VASH2: variants seen among roughly 807,000 people sequenced by gnomAD.
The protein encoded by VASH2 is vasohibin 2, also known as tubulinyl-Tyr carboxypeptidase 2.
VASH2 carries 28 observed loss-of-function variants against 37.2 expected under a neutral mutation model. That is an observed-to-expected ratio of 0.75 (90% CI 0.56 to 1.03). The LOEUF is 1.03. Ranked by LOEUF, VASH2 falls within the 50% of genes least tolerant of loss-of-function variation. The probability of loss-of-function intolerance (pLI) is 0.00; values close to 1 mark genes in which losing one functional copy is unlikely to be tolerated. For synonymous variants in VASH2, 188 were observed against 174.7 expected (o/e 1.08, Z -0.60); for missense variants, 419 against 459.1 (o/e 0.91, Z 0.80).
rs138725158 is a variant in VASH2, at chr1:212,961,215, A to C, written c.326A>C (p.Asp109Ala). The C allele has an allele frequency of 9.3e-6, 15 of 1,614,054 alleles. No individual in the cohort carries two copies. Among genetic ancestry groups the C allele is most frequent in the Admixed American group, 1.7e-5 (1 of 60,006 alleles). The change falls in exon 3 of 8, where the codon GAC becomes GCC. Residue 109 changes from aspartate to alanine, a missense_variant. By Grantham distance (126) the Asp-to-Ala change is moderately radical. This residue lies in a region of VASH2 where 158 missense variants were observed against 163.0 expected (regional missense o/e 0.97). Coordinates refer to ENST00000517399, the MANE Select transcript of VASH2 (RefSeq NM_001301056.2). ...TACAGGCTGTCGATGACGATCCCAG[A>C]CTGGCTCCAGGCGATCCAGAATTAC... ...PNYRLSMTIP[D>A]WLQAIQNYMK...
Position 212,988,851 on chromosome 1 carries a change from T to C in VASH2, c.*267T>C. 2.4e-6 allele frequency: 1 copy of C among 411,010 alleles called. No homozygotes were observed. Among genetic ancestry groups the C allele is most frequent in the East Asian group, 4.3e-5 (1 of 23,348 alleles). The allele number at this position is 411,010 out of a possible 1,614,324, so 25.5% of individuals were successfully genotyped here. A position where few individuals can be genotyped will look rare whatever the true frequency, so the allele number is the denominator to read the frequency against. On this transcript the variant is annotated 3_prime_UTR_variant, in exon 8 of 8. Coordinates refer to ENST00000517399, the MANE Select transcript of VASH2 (RefSeq NM_001301056.2). ...CTTAAGGATAACCGTAACTGAAGTT[T>C]TATATTTTTCCATTTACCTACTTTC...
intron 7 of VASH2, among the ~76,000 whole-genome samples, chr1:212,976,974 C>A (rs1667194158): frequency 6.6e-6 from 1 of 151,572 alleles, no homozygotes; most frequent in Non-Finnish European, 1.5e-5. Context: ...CAGGGCTCAG[C>A]AGTGAAAACA....
chr1:212,961,751 C>T lies in VASH2; in HGVS notation c.365+497C>T, dbSNP rs1402778771. On this transcript the variant is annotated intron_variant, in intron 3 of 7. Transcript: ENST00000517399. ...CTGAGTAGCTGGGATTACAGGCATC[C>T]GCCACCACACCTGACTAATTTTTGT... 5.3e-5 allele frequency among the ~76,000 whole-genome samples: 8 copies of T among 152,138 alleles called. No homozygotes were observed. In the East Asian group the frequency reaches 5.8e-4, roughly 11 times the overall value.
chr1:212,979,801 C>T (rs1239730765), intron 7 of VASH2, among the ~76,000 whole-genome samples: 2 of 152,144 alleles, frequency 1.3e-5, no homozygotes, highest in Non-Finnish European at 2.9e-5. Flanking sequence ...TGTAAAGCAC[C>T]TACTACACTG....
chr1:212,982,488 T>C (rs1393089544), intron 7 of VASH2, among the ~76,000 whole-genome samples: 1 of 152,130 alleles, frequency 6.6e-6, no homozygotes, highest in Non-Finnish European at 1.5e-5. Context: ...AGTGCTCGTG[T>C]TTCTTAAAAA....
intron 7 of VASH2, among the ~76,000 whole-genome samples, chr1:212,983,219 T>C (rs528614041): frequency 6.6e-6 from 1 of 152,342 alleles, no homozygotes; most frequent in Admixed American, 6.5e-5. Flanking sequence ...ATTGGCAGGA[T>C]TCTGGAACAG....
chr1:212,958,798 T>A (rs1255135162), intron 2 of VASH2, among the ~76,000 whole-genome samples: 1 of 152,178 alleles, frequency 6.6e-6, no homozygotes, highest in African/African-American at 2.4e-5. Flanking sequence ...ACTGCAGCCT[T>A]GACCCCCTGG....
intron 7 of VASH2, among the ~76,000 whole-genome samples, chr1:212,980,722 G>A (rs1353037968): frequency 6.6e-6 from 1 of 152,184 alleles, no homozygotes; most frequent in Non-Finnish European, 1.5e-5. Context: ...ACATTGACTG[G>A]TGCCCAAGAA....
chr1:212,955,613 C>T (rs1666466565), intron 2 of VASH2, among the ~76,000 whole-genome samples: 1 of 152,190 alleles, frequency 6.6e-6, no homozygotes, highest in Non-Finnish European at 1.5e-5. Flanking sequence ...CTGGACTCTC[C>T]TTGGGGCAGA....
At chr1:212,961,123 G>C (rs1219910136) in intron 2 of VASH2, 43 bp from the exon 3 acceptor site, 1 of 1,600,020 alleles carries the variant, frequency 6.2e-7, no homozygotes, top group Non-Finnish European at 8.6e-7. Context: ...GGGCCCCAGA[G>C]CGCCTCCTTC....
chr1:212,975,069 C>A (rs1013956094), intron 7 of VASH2: 1 of 152,202 alleles, frequency 6.6e-6, no homozygotes, highest in Non-Finnish European at 1.5e-5. Flanking sequence ...GAACATTTTA[C>A]GAGTTTTGTT....
intron 2 of VASH2, among the ~76,000 whole-genome samples, chr1:212,960,561 T>G (rs1666642969): frequency 6.6e-6 from 1 of 152,238 alleles, no homozygotes; most frequent in Non-Finnish European, 1.5e-5. Context: ...TTTATTTATC[T>G]ATTTGAATTT....
In VASH2 at chr1:212,988,422, A is replaced by G. The variant is rs2075818986; in HGVS notation, c.996-90A>G. On this transcript the variant is annotated intron_variant, in intron 7 of 7. Coordinates refer to ENST00000517399, the MANE Select transcript of VASH2 (RefSeq NM_001301056.2). ...GGATGAGACAAATATCAGAAGGATT[A>G]GGAAAACCGAGTAGAGGACCTTGAA... 32 of 1,335,216 alleles carry G rather than the reference A, an allele frequency of 2.4e-5. 2 individuals carry two copies. In the South Asian group the frequency reaches 3.9e-4, roughly 16 times the overall value. The allele number at this position is 1,335,216 out of a possible 1,614,324, so 82.7% of individuals were successfully genotyped here.
chr1:212,984,072 C>T (rs751535552), intron 7 of VASH2, among the ~76,000 whole-genome samples: 5 of 152,102 alleles, frequency 3.3e-5, no homozygotes, highest in African/African-American at 4.8e-5. Flanking sequence ...CCTGGCACAT[C>T]GTTAAGTGTC....
chr1:212,987,224 A>G (rs1318471936), intron 7 of VASH2, among the ~76,000 whole-genome samples: 1 of 152,168 alleles, frequency 6.6e-6, no homozygotes, highest in Non-Finnish European at 1.5e-5. Context: ...GCATAAAATA[A>G]GAAACCTTCT....
At chr1:212,978,093 G>A (rs1448330480) in intron 7 of VASH2, among the ~76,000 whole-genome samples, 1 of 152,188 alleles carries the variant, frequency 6.6e-6, no homozygotes, top group Non-Finnish European at 1.5e-5. Context: ...AAGTTAGGGG[G>A]TCTGACCCTG....
intron 2 of VASH2, among the ~76,000 whole-genome samples, chr1:212,959,671 T>G (rs1375774825): frequency 3.9e-5 from 6 of 152,210 alleles, no homozygotes; most frequent in Non-Finnish European, 5.9e-5. Flanking sequence ...GGGGGCAGCG[T>G]GCCCTCAGCC....
chr1:212,974,203 C>G (rs1667107838), intron 7 of VASH2, 133 bp downstream of exon 7: 1 of 1,175,464 alleles, frequency 8.5e-7, no homozygotes, highest in African/African-American at 1.6e-5. Context: ...AGGACTGCCC[C>G]TCATTCAGGG....
intron 5 of VASH2, chr1:212,967,113 G>A: frequency 7.7e-7 from 1 of 1,304,528 alleles, no homozygotes; most frequent in Non-Finnish European, 1.0e-6. Flanking sequence ...TGACTTGACA[G>A]AACCCACAGC....
Sources: gnomAD v4.1 joint callset for allele counts (sites outside exome capture counted in the v4.1 genomes callset) on GRCh38, gnomAD v4.1.1 for gene constraint, gnomAD v4.1.1 regional missense constraint, MANE v1.5 for transcripts, NCBI Gene and HGNC (gene_info 2026-07-23, HGNC 2026-07-21) for gene names.